NFIB: variants seen among roughly 807,000 people sequenced by gnomAD.
NFIB encodes the protein nuclear factor I B.
In NFIB, 11 loss-of-function variants were observed where a neutral mutation model predicts 61.5. The observed-to-expected ratio is 0.18, with a 90% CI of 0.11 to 0.30. NFIB has a LOEUF of 0.30. NFIB is among the 10% of genes least tolerant of loss of function. The pLI, the probability that NFIB is intolerant of heterozygous loss-of-function variation, is 1.00. For synonymous variants in NFIB, 260 were observed against 216.5 expected (o/e 1.20, Z -1.76); for missense variants, 471 against 608.9 (o/e 0.77, Z 2.38).
chr9:14,105,369 T>C (rs185719570), intron 10 of NFIB, among the ~76,000 whole-genome samples: 77 of 152,322 alleles, frequency 5.1e-4, no homozygotes, highest in African/African-American at 1.7e-3. Flanking sequence ...TTAATTAGCA[T>C]TGAATTTCCT....
At chr9:14,360,887 G>A (rs2061231725) in intron 1 of NFIB, among the ~76,000 whole-genome samples, 1 of 152,044 alleles carries the variant, frequency 6.6e-6, no homozygotes, top group South Asian at 2.1e-4. Context: ...TTGTACCTTT[G>A]GTTAATTTTG....
the NFIB span, among the ~76,000 whole-genome samples, chr9:14,411,001 C>T: frequency 6.6e-6 from 1 of 152,132 alleles, no homozygotes; most frequent in Non-Finnish European, 1.5e-5. Flanking sequence ...AGAAATATGT[C>T]AATTTTTACC....
the NFIB span, among the ~76,000 whole-genome samples, chr9:14,459,377 T>G: frequency 3.3e-5 from 5 of 152,194 alleles, no homozygotes; most frequent in African/African-American, 4.8e-5. Context: ...CAAGATGGAT[T>G]AAAGACTTAC....
intron 2 of NFIB, among the ~76,000 whole-genome samples, chr9:14,289,143 T>TATATAC (rs1554703264): frequency 2.4e-3 from 350 of 145,844 alleles, no homozygotes; most frequent in Middle Eastern, 0.018. Context: ...TATATATACA[T>TATATAC]ATATATATAT....
the NFIB span, among the ~76,000 whole-genome samples, chr9:14,487,901 G>T: frequency 1.3e-5 from 2 of 152,158 alleles, no homozygotes; most frequent in Admixed American, 1.3e-4. Flanking sequence ...GGAGGGCAGG[G>T]TTAGTGGAGA....
At chr9:14,315,526 G>T (rs1420989574), upstream of NFIB, among the ~76,000 whole-genome samples, 2 of 141,792 alleles carry the variant, frequency 1.4e-5, no homozygotes, top group African/African-American at 2.5e-5. Context: ...CGGGGCCGCG[G>T]CGCGCCCGGG....
At chr9:14,439,776 T>C in the NFIB span, among the ~76,000 whole-genome samples, 1 of 152,158 alleles carries the variant, frequency 6.6e-6, no homozygotes, top group Admixed American at 6.5e-5. Flanking sequence ...GATAGGGACA[T>C]GATAGGGGCA....
intron 2 of NFIB, among the ~76,000 whole-genome samples, chr9:14,210,210 T>C (rs2050170517): frequency 6.6e-6 from 1 of 152,164 alleles, no homozygotes; most frequent in Non-Finnish European, 1.5e-5. Context: ...CTTTTTAGAA[T>C]GAAAACTGGA....
chr9:14,335,861 G>C (rs1242311698), intron 1 of NFIB, among the ~76,000 whole-genome samples: 3 of 152,104 alleles, frequency 2.0e-5, no homozygotes, highest in Non-Finnish European at 2.9e-5. Flanking sequence ...TTAGTGCAAG[G>C]TATGAGTCAA....
intron 3 of NFIB, among the ~76,000 whole-genome samples, chr9:14,168,327 G>T (rs1468113045): frequency 6.6e-6 from 1 of 152,168 alleles, no homozygotes; most frequent in African/African-American, 2.4e-5. Context: ...AATTCATTAA[G>T]GGGAGTAGAT....
intron 2 of NFIB, among the ~76,000 whole-genome samples, chr9:14,293,873 C>CA (rs758293553): frequency 2.6e-5 from 4 of 152,010 alleles, no homozygotes; most frequent in African/African-American, 7.2e-5. Flanking sequence ...TGGTATTCAC[C>CA]AAAAAACAAA....
the NFIB span, among the ~76,000 whole-genome samples, chr9:14,464,462 T>G: frequency 6.6e-6 from 1 of 151,996 alleles, no homozygotes; most frequent in East Asian, 1.9e-4. Flanking sequence ...AGGGAAGGCT[T>G]TATGGTGGTG....
the NFIB span, among the ~76,000 whole-genome samples, chr9:14,411,917 G>A: frequency 9.2e-5 from 14 of 152,176 alleles, no homozygotes; most frequent in African/African-American, 2.2e-4. Flanking sequence ...AGGGCAGGGC[G>A]TGTTGTGAGC....
chr9:14,407,154 A>AT, the NFIB span, among the ~76,000 whole-genome samples: 1 of 152,168 alleles, frequency 6.6e-6, no homozygotes, highest in African/African-American at 2.4e-5. Flanking sequence ...GCAACTAAAA[A>AT]ACCTTCCTCG....
intron 2 of NFIB, among the ~76,000 whole-genome samples, chr9:14,294,742 A>C (rs1447004889): frequency 6.6e-6 from 1 of 152,298 alleles, no homozygotes; most frequent in Non-Finnish European, 1.5e-5. Context: ...CCTGGCTAGA[A>C]CCCCTAGGTA....
At position 14,227,777 on chromosome 9, in the gene NFIB, G is replaced by C. The variant is rs535309994; in HGVS notation, c.563-47997C>G. ...CAACTCCATCTTACAAATGAAGAAA[G>C]GGAGGCCTCAATGGGTTTAATAACG... On this transcript the variant is annotated intron_variant, in intron 2 of 10. Transcript: ENST00000380953. Among the ~76,000 whole-genome samples the C allele has an allele frequency of 3.9e-5, 6 of 152,182 alleles. No homozygotes were observed. In the East Asian group the frequency reaches 1.2e-3, roughly 29 times the overall value.
At chr9:14,254,874 T>C (rs2056063345) in intron 2 of NFIB, among the ~76,000 whole-genome samples, 1 of 152,134 alleles carries the variant, frequency 6.6e-6, no homozygotes, top group Admixed American at 6.5e-5. Context: ...ATAATGATCT[T>C]TTGCTCCTCT....
At chr9:14,172,213 T>G (rs1241040062) in intron 3 of NFIB, among the ~76,000 whole-genome samples, 1 of 152,308 alleles carries the variant, frequency 6.6e-6, no homozygotes, top group Middle Eastern at 3.4e-3. Context: ...ACATCCTTCA[T>G]GCCATGTTAC....
At chr9:14,501,867 G>A in the NFIB span, among the ~76,000 whole-genome samples, 1 of 152,190 alleles carries the variant, frequency 6.6e-6, no homozygotes, top group African/African-American at 2.4e-5. Context: ...GGTGAGTATG[G>A]GAGAATGAGA....
Sources: allele counts gnomAD v4.1 joint callset (sites outside exome capture counted in the v4.1 genomes callset), GRCh38; gene constraint gnomAD v4.1.1; transcripts MANE v1.5; gene names NCBI Gene and HGNC (gene_info 2026-07-23, HGNC 2026-07-21).